Variants in CFAP53 observed in about 807,000 individuals in gnomAD.
The protein encoded by CFAP53 is cilia- and flagella-associated protein 53.
A neutral mutation model predicts 59.7 loss-of-function variants in CFAP53; 62 were observed. The ratio of observed to expected loss-of-function variants is 1.04; its 90% confidence interval spans 0.85 to 1.28. CFAP53 has a LOEUF of 1.28. Among genes scored for constraint, CFAP53 ranks in the 50% most tolerant of loss-of-function variants. The pLI is 0.00. For missense variants in CFAP53, 629 were observed against 615.6 expected, an observed-to-expected ratio of 1.02 and a Z score of -0.23; for synonymous variants, 218 against 205.7, an observed-to-expected ratio of 1.06 and a Z score of -0.51.
chr18:50,249,203 C>CAAAAAAAA (rs34676585), intron 5 of CFAP53, among the ~76,000 whole-genome samples: 2 of 105,128 alleles, frequency 1.9e-5, no homozygotes, highest in African/African-American at 3.8e-5. Flanking sequence ...AATTCTATCT[C>CAAAAAAAA]AAAAAAAAAA....
chr18:50,231,445 A>T (rs954701717), intron 7 of CFAP53, among the ~76,000 whole-genome samples: 2 of 152,174 alleles, frequency 1.3e-5, no homozygotes, highest in African/African-American at 2.4e-5. Flanking sequence ...TTCCCAACTT[A>T]GGAACCTCAG....
At chr18:50,227,955 C>CTTT (rs1191228047) in intron 7 of CFAP53, among the ~76,000 whole-genome samples, 24,981 of 87,184 alleles carry the variant, frequency 0.29, 5,255 homozygotes, top group South Asian at 0.31. Context: ...AACTTTTCTC[C>CTTT]TTTTTTTTTT....
intron 1 of CFAP53, among the ~76,000 whole-genome samples, chr18:50,263,080 C>T (rs895324763): frequency 1.3e-5 from 2 of 152,114 alleles, no homozygotes; most frequent in Non-Finnish European, 1.5e-5. Context: ...GTATTCCTAG[C>T]ATTGAACATA....
At chr18:50,264,333 C>A (rs1420768917) in intron 1 of CFAP53, among the ~76,000 whole-genome samples, 1 of 152,190 alleles carries the variant, frequency 6.6e-6, no homozygotes, top group East Asian at 1.9e-4. Flanking sequence ...TTACAATTTA[C>A]AGTTCGGTTG....
intron 7 of CFAP53, among the ~76,000 whole-genome samples, chr18:50,228,620 G>A (rs1195740189): frequency 7.9e-5 from 12 of 151,764 alleles, no homozygotes; most frequent in East Asian, 2.0e-4. Context: ...GAGAAACTCC[G>A]TCTCTACTAA....
rs1397724133 is a variant in CFAP53, at chr18:50,243,084, A to G, written c.1029T>C (p.His343=). 1.9e-6 allele frequency: 3 copies of G among 1,612,914 alleles called. No individual in the cohort carries two copies. The highest frequency in any genetic ancestry group is 2.5e-6 in the Non-Finnish European group (3 of 1,179,498). Residue 343 remains histidine (H), a synonymous_variant, in exon 6 of 8, where the codon CAT becomes CAC. Transcript: ENST00000398545. ...CCTCACGTCTCTGTGCCAAATATTT[A>G]TGGTATATCTTCTGTTCTCTTATCA... The part of the protein sequence containing the change: ...EDMIREQKIY[H]KYLAQRREEE...
Position 50,227,407 on chromosome 18 carries a change from C to T in CFAP53, c.1519G>A (p.Ala507Thr), listed in dbSNP as rs764418705. 22 of 1,613,716 alleles carry T rather than the reference C, an allele frequency of 1.4e-5. No individual in the cohort carries two copies. The highest frequency in any genetic ancestry group is 3.3e-5 in the Admixed American group (2 of 59,998). Residue 507 changes from alanine (A) to threonine (T), a missense_variant, in exon 8 of 8, where the codon GCA becomes ACA. Transcript: ENST00000398545. ...LPQNIHPMRK[A>T]CPSKLPP ...TACGGTGGAAGCTTACTGGGGCATG[C>T]CTTGCGCATGGGATGAATGTTTTGA...
intron 5 of CFAP53, among the ~76,000 whole-genome samples, chr18:50,248,650 T>C (rs908350148): frequency 2.0e-5 from 3 of 151,452 alleles, no homozygotes; most frequent in Non-Finnish European, 4.4e-5. Flanking sequence ...CCAGGCATGG[T>C]GGCACACACC....
chr18:50,238,605 TG>T lies in CFAP53; in HGVS notation c.1313del (p.Ala438GlufsTer6). On this transcript the variant is annotated frameshift_variant, in exon 7 of 8. Coordinates refer to ENST00000398545, the MANE Select transcript of CFAP53 (RefSeq NM_145020.5). LOFTEE classifies it low-confidence loss of function (END_TRUNC). Reference sequence around the variant, plus strand: ...TGATACAGAAAACAAAATCATACCTTGCAAAATTCTCCTTCTCTTCACAGTT... The same window carrying T: ...TGATACAGAAAACAAAATCATACCTTCAAAATTCTCCTTCTCTTCACAGTT... ...ELNCEEKENFARRQRLAQEYR... is the reference protein window; with the variant it reads ...ELNCEEKENFXRRQRLAQEYR... The T allele has an allele frequency of 6.2e-7, 1 of 1,605,636 alleles. No homozygotes were observed. Among genetic ancestry groups the T allele is most frequent in the Non-Finnish European group, 8.5e-7 (1 of 1,175,462 alleles).
Position 50,262,941 on chromosome 18 carries a change from T to C in CFAP53, c.70-722A>G, listed in dbSNP as rs566532827. The stretch of plus-strand genomic sequence containing the variant: ...AGAGTGTGTTCCTGACCTTTTGGGC[T>C]ACTTTGAATTTCTATAAATGTACTG... On this transcript the variant is annotated intron_variant, in intron 1 of 7. Coordinates refer to ENST00000398545, the MANE Select transcript of CFAP53 (RefSeq NM_145020.5). 9.2e-5 allele frequency among the ~76,000 whole-genome samples: 14 copies of C among 152,342 alleles called. No individual in the cohort carries two copies. The South Asian group carries it at 2.9e-3, about 32-fold the overall frequency.
At chr18:50,235,253 T>C (rs1198119299) in intron 7 of CFAP53, among the ~76,000 whole-genome samples, 1 of 152,214 alleles carries the variant, frequency 6.6e-6, no homozygotes, top group Non-Finnish European at 1.5e-5. Flanking sequence ...TGGGTTGCCC[T>C]ACTTCTCCCA....
chr18:50,242,733 A>T (rs2033702702), intron 6 of CFAP53, among the ~76,000 whole-genome samples, 167 bp downstream of exon 6: 1 of 152,222 alleles, frequency 6.6e-6, no homozygotes, highest in Non-Finnish European at 1.5e-5. Context: ...TGGTCTCTTC[A>T]TATATATCCA....
intron 5 of CFAP53, among the ~76,000 whole-genome samples, chr18:50,246,435 T>C (rs113837712): frequency 1.3e-5 from 2 of 152,306 alleles, no homozygotes; most frequent in South Asian, 2.1e-4. Context: ...TGAGGAATAA[T>C]GAATTAGGAT....
At chr18:50,240,224 G>A (rs1464988530) in intron 6 of CFAP53, among the ~76,000 whole-genome samples, 2 of 148,870 alleles carry the variant, frequency 1.3e-5, no homozygotes, top group Non-Finnish European at 3.0e-5. Context: ...GACTCATTCT[G>A]ATCACCTGCC....
chr18:50,254,090 A>G (rs908309059), intron 3 of CFAP53, among the ~76,000 whole-genome samples: 3 of 151,712 alleles, frequency 2.0e-5, no homozygotes, highest in African/African-American at 7.3e-5. Flanking sequence ...TAGGATAAAT[A>G]AGACAAGACT....
intron 1 of CFAP53, among the ~76,000 whole-genome samples, chr18:50,264,328 A>G (rs2033918129): frequency 6.6e-6 from 1 of 152,188 alleles, no homozygotes; most frequent in Non-Finnish European, 1.5e-5. Context: ...TAGGATTACA[A>G]TTTACAGTTC....
At chr18:50,259,099 A>C (rs948828178) in intron 3 of CFAP53, among the ~76,000 whole-genome samples, 1 of 152,220 alleles carries the variant, frequency 6.6e-6, no homozygotes, top group Admixed American at 6.5e-5. Context: ...CCCACTGCTG[A>C]GTATAGGCCC....
Position 50,228,882 on chromosome 18 carries a change from A to AG in CFAP53, c.1317-1274dup, listed in dbSNP as rs369834949. On this transcript the variant is annotated intron_variant, in intron 7 of 7. Transcript: ENST00000398545. ...CAGCACCTTAGGAGCCCAAGACAGGAGGATCACAGGAGTTTGAGACCAGCC... is the reference window on the plus strand; with the variant it reads ...CAGCACCTTAGGAGCCCAAGACAGGAGGGATCACAGGAGTTTGAGACCAGCC... 4.0e-3 allele frequency among the ~76,000 whole-genome samples: 602 copies of AG among 152,180 alleles called. 1 individual carries two copies. The highest frequency in any genetic ancestry group is 0.014 in the African/African-American group (561 of 41,522).
At chr18:50,235,674 G>A (rs755722503) in intron 7 of CFAP53, among the ~76,000 whole-genome samples, 26 of 152,268 alleles carry the variant, frequency 1.7e-4, no homozygotes, top group Non-Finnish European at 2.4e-4. Context: ...AAACCAAAAT[G>A]TTACTGCAGT....
Sources: allele counts gnomAD v4.1 joint callset (sites outside exome capture counted in the v4.1 genomes callset), GRCh38; gene constraint gnomAD v4.1.1; transcripts MANE v1.5; gene names NCBI Gene and HGNC (gene_info 2026-07-23, HGNC 2026-07-21).